The following SMAD9 variants were observed in gnomAD, a reference collection of about 807,000 sequenced individuals.
SMAD9 encodes the protein MAD homolog 9.
A neutral mutation model predicts 46.1 loss-of-function variants in SMAD9; 36 were observed. The ratio of observed to expected loss-of-function variants is 0.78; its 90% CI spans 0.60 to 1.03. The LOEUF is 1.03. SMAD9 is among the 50% of genes least tolerant of loss of function. The probability of loss-of-function intolerance (pLI) is 0.00; values close to 1 mark genes in which losing one functional copy is unlikely to be tolerated. For missense variants in SMAD9, 572 were observed against 599.8 expected (o/e 0.95, Z 0.48); for synonymous variants, 245 against 237.1 (o/e 1.03, Z -0.31).
chr13:36,899,857 A>G (rs1467057053), intron 1 of SMAD9, among the ~76,000 whole-genome samples: 1 of 152,180 alleles, frequency 6.6e-6, no homozygotes, highest in Non-Finnish European at 1.5e-5. Context: ...GCTTTACACT[A>G]GTCCCTCTAT....
At chr13:36,901,254 A>G (rs988526749) in intron 1 of SMAD9, among the ~76,000 whole-genome samples, 2 of 152,040 alleles carry the variant, frequency 1.3e-5, no homozygotes, top group Non-Finnish European at 2.9e-5. Flanking sequence ...CTGCCACACT[A>G]TTTTCCACAT....
At chr13:36,890,929 CA>C (rs1182030608) in intron 1 of SMAD9, among the ~76,000 whole-genome samples, 1 of 152,116 alleles carries the variant, frequency 6.6e-6, no homozygotes, top group Non-Finnish European at 1.5e-5. Context: ...ACACAGACTA[CA>C]GAGCATGTTC....
intron 3 of SMAD9, among the ~76,000 whole-genome samples, chr13:36,869,068 A>G (rs2058263189): frequency 6.6e-6 from 1 of 152,154 alleles, no homozygotes; most frequent in Non-Finnish European, 1.5e-5. Context: ...AGGCAAATTC[A>G]GAGAGACAGA....
intron 6 of SMAD9, among the ~76,000 whole-genome samples, chr13:36,852,853 C>CT (rs1470224500): frequency 1.3e-5 from 2 of 152,172 alleles, no homozygotes; most frequent in African/African-American, 2.4e-5. Context: ...ACTGTTGTTA[C>CT]TTTATCATCT....
intron 5 of SMAD9, among the ~76,000 whole-genome samples, chr13:36,859,735 T>C (rs890300597): frequency 2.0e-5 from 3 of 151,504 alleles, no homozygotes; most frequent in African/African-American, 7.3e-5. Flanking sequence ...CCGAGGCGGG[T>C]GGATTGCCGG....
chr13:36,848,957 T>C, intron 6 of SMAD9, 138 bp from the exon 7 acceptor site: 1 of 716,978 alleles, frequency 1.4e-6, no homozygotes, highest in South Asian at 1.8e-5. Context: ...ACATGGCCTC[T>C]ACCTTCCTGT....
rs1593558735 is a variant in SMAD9 at position 36,860,407 on chromosome 13, T to C, written c.1003+5130A>G. Among the ~76,000 whole-genome samples the C allele has an allele frequency of 2.0e-5, 3 of 152,104 alleles. 1 individual carries two copies. The highest frequency in any genetic ancestry group is 2.0e-4 in the Admixed American group (3 of 15,280). ...CAGAAAGTTCAATAACCAGGGTTAATGGTTATCACTTATTTTCTCCCACAA... is the reference window on the plus strand; with the variant it reads ...CAGAAAGTTCAATAACCAGGGTTAACGGTTATCACTTATTTTCTCCCACAA... On this transcript the variant is annotated intron_variant, in intron 5 of 6. Transcript: ENST00000379826.
rs781661592 is a variant in SMAD9 at position 36,879,549 on chromosome 13, CTTCT to C, written c.137_140del (p.Lys46ArgfsTer44). The C allele has an allele frequency of 1.2e-5, 20 of 1,614,104 alleles. No individual in the cohort carries two copies. The highest frequency in any genetic ancestry group is 4.5e-5 in the East Asian group (2 of 44,874). The stretch of plus-strand genomic sequence containing the variant: ...CCAGCTCGTCCATGGCTCCCTTCTT[CTTCT>C]TTAACTTCTTCACTAGAGAGTCCAC... On this transcript the variant is annotated frameshift_variant, in exon 2 of 7. Coordinates refer to ENST00000379826, the MANE Select transcript of SMAD9 (RefSeq NM_001127217.3). LOFTEE classifies it high-confidence loss of function.
At chr13:36,908,672 C>A (rs1158976192) in intron 1 of SMAD9, among the ~76,000 whole-genome samples, 1 of 151,892 alleles carries the variant, frequency 6.6e-6, no homozygotes, top group African/African-American at 2.4e-5. Flanking sequence ...TATACTGTGG[C>A]CCAGAGGAAG....
At chr13:36,881,460 G>C (rs967993129) in intron 1 of SMAD9, among the ~76,000 whole-genome samples, 37 of 152,194 alleles carry the variant, frequency 2.4e-4, no homozygotes, top group African/African-American at 8.4e-4. Context: ...TCGAACAAAG[G>C]TGCCTTATAA....
chr13:36,878,066 A>G (rs934702216), intron 2 of SMAD9, among the ~76,000 whole-genome samples: 19 of 152,212 alleles, frequency 1.2e-4, no homozygotes, highest in Non-Finnish European at 2.6e-4. Flanking sequence ...AGAGAATCAC[A>G]GTGAAACCCT....
At chr13:36,895,171 T>C (rs2138598603) in intron 1 of SMAD9, among the ~76,000 whole-genome samples, 1 of 152,282 alleles carries the variant, frequency 6.6e-6, no homozygotes, top group South Asian at 2.1e-4. Flanking sequence ...TCACCCCTTT[T>C]CTAATGAGTC....
chr13:36,865,853 C>T, intron 4 of SMAD9, 95 bp from the exon 5 acceptor site: 1 of 1,061,736 alleles, frequency 9.4e-7, no homozygotes, highest in Non-Finnish European at 1.4e-6. Flanking sequence ...TGCTTTTCAC[C>T]AGAAAGTCGG....
At chr13:36,859,545 C>T (rs2058159223) in intron 5 of SMAD9, among the ~76,000 whole-genome samples, 1 of 152,202 alleles carries the variant, frequency 6.6e-6, no homozygotes, top group African/African-American at 2.4e-5. Context: ...CTCACTACTA[C>T]ACTCCCACCA....
In SMAD9 at chr13:36,848,602, G is replaced by T; in HGVS notation, c.*74C>A. The T allele has an allele frequency of 7.2e-7, 1 of 1,393,916 alleles. No individual in the cohort carries two copies. Among genetic ancestry groups the T allele is most frequent in the Non-Finnish European group, 1.0e-6 (1 of 979,782 alleles). The allele number at this position is 1,393,916 out of a possible 1,614,324, so 86.3% of individuals were successfully genotyped here. ...ACACATGTTTTTAGAAACTTCAGTT[G>T]CAAATCTGAAATGATACAAGCCACT... On this transcript the variant is annotated 3_prime_UTR_variant, in exon 7 of 7. Transcript: ENST00000379826.
intron 1 of SMAD9, among the ~76,000 whole-genome samples, chr13:36,900,683 C>CCACACA (rs1324018767): frequency 1.3e-5 from 1 of 79,724 alleles, no homozygotes; most frequent in East Asian, 4.1e-4. Flanking sequence ...ATCATTATGA[C>CCACACA]TACACACACA....
At chr13:36,912,128 C>T (rs749022473) in intron 1 of SMAD9, among the ~76,000 whole-genome samples, 1 of 152,218 alleles carries the variant, frequency 6.6e-6, no homozygotes, top group Non-Finnish European at 1.5e-5. Flanking sequence ...TTTGTCTTCA[C>T]TCTTCCAAAT....
chr13:36,871,058 A>G (rs1235530138), intron 3 of SMAD9, among the ~76,000 whole-genome samples: 1 of 152,078 alleles, frequency 6.6e-6, no homozygotes, highest in Admixed American at 6.6e-5. Flanking sequence ...GCTGCAACTG[A>G]CCTCTGGTAG....
At chr13:36,861,712 C>T (rs950703090) in intron 5 of SMAD9, among the ~76,000 whole-genome samples, 3 of 150,736 alleles carry the variant, frequency 2.0e-5, no homozygotes, top group Non-Finnish European at 3.0e-5. Context: ...GGGGATCACC[C>T]GAGGTCAGGA....
Sources: allele counts gnomAD v4.1 joint callset (sites outside exome capture counted in the v4.1 genomes callset), GRCh38; gene constraint gnomAD v4.1.1; transcripts MANE v1.5; gene names NCBI Gene and HGNC (gene_info 2026-07-23, HGNC 2026-07-21).